Variants in IL1RAPL1 observed in about 807,000 individuals in gnomAD.
The protein encoded by IL1RAPL1 is interleukin 1 receptor accessory protein like 1, also known as interleukin-1 receptor accessory protein-like 1.
In IL1RAPL1, 3 loss-of-function variants were observed where a neutral mutation model predicts 48.4. That is an observed-to-expected ratio of 0.06 (90% confidence interval 0.03 to 0.16). The LOEUF is 0.16. IL1RAPL1 is among the 10% of genes least tolerant of loss of function. IL1RAPL1 has a pLI of 1.00. For missense variants in IL1RAPL1, 349 were observed against 530.6 expected, an observed-to-expected ratio of 0.66 and a Z score of 3.36; for synonymous variants, 185 against 187.7, an observed-to-expected ratio of 0.99 and a Z score of 0.12.
intron 2 of IL1RAPL1, among the ~76,000 whole-genome samples, chrX:28,918,577 A>G (rs985638320): frequency 1.8e-5 from 2 of 112,243 alleles, no homozygotes; most frequent in Admixed American, 9.5e-5. Context: ...CCCTTTGCCA[A>G]TTGCAGTTCA....
At chrX:29,442,895 G>T (rs936347632) in intron 5 of IL1RAPL1, among the ~76,000 whole-genome samples, 4 of 110,262 alleles carry the variant, frequency 3.6e-5, no homozygotes, top group Admixed American at 2.9e-4. Context: ...AAGAAATTTT[G>T]CACTTGAAAA....
chrX:29,599,439 C>G (rs1185387116), intron 5 of IL1RAPL1, among the ~76,000 whole-genome samples: 1 of 111,924 alleles, frequency 8.9e-6, no homozygotes, highest in Non-Finnish European at 1.9e-5. Context: ...TTTTGCCTCA[C>G]AGCTCGTAAG....
chrX:29,938,011 G>GTT (rs1383888182), intron 8 of IL1RAPL1, among the ~76,000 whole-genome samples: 1 of 111,491 alleles, frequency 9.0e-6, no homozygotes, highest in East Asian at 2.8e-4. Context: ...ACACAAGACT[G>GTT]TTTCTGTAAC....
intron 6 of IL1RAPL1, among the ~76,000 whole-genome samples, chrX:29,841,645 G>A (rs915533029): frequency 3.6e-5 from 4 of 111,504 alleles, no homozygotes; most frequent in Non-Finnish European, 7.5e-5. Flanking sequence ...AAAGATGGAC[G>A]TATACATAGC....
At chrX:29,702,100 C>G (rs1235633720) in intron 6 of IL1RAPL1, among the ~76,000 whole-genome samples, 1 of 110,904 alleles carries the variant, frequency 9.0e-6, no homozygotes, top group African/African-American at 3.3e-5. Flanking sequence ...ACTAAAAATA[C>G]AAAACCTAGC....
chrX:29,177,298 A>G (rs1161508562), intron 2 of IL1RAPL1, among the ~76,000 whole-genome samples: 3 of 112,035 alleles, frequency 2.7e-5, no homozygotes, highest in Non-Finnish European at 5.6e-5. Flanking sequence ...TTGAAGATGT[A>G]TTGAATCATC....
At chrX:28,853,128 G>A (rs1037717377) in intron 2 of IL1RAPL1, among the ~76,000 whole-genome samples, 9 of 68,384 alleles carry the variant, frequency 1.3e-4, no homozygotes, top group Non-Finnish European at 2.1e-4. Context: ...TGTACAGCAT[G>A]GGGTGGAAAT....
chrX:28,715,504 A>C (rs1263977787), intron 1 of IL1RAPL1, among the ~76,000 whole-genome samples: 1 of 111,273 alleles, frequency 9.0e-6, no homozygotes, highest in Non-Finnish European at 1.9e-5. Context: ...ACCAAGAGAA[A>C]AATCAAGCCA....
At chrX:29,888,373 G>A (rs374669685) in intron 6 of IL1RAPL1, among the ~76,000 whole-genome samples, 2 of 109,496 alleles carry the variant, frequency 1.8e-5, no homozygotes, top group Non-Finnish European at 3.8e-5. Context: ...ACAGGTGCCC[G>A]CCACCACACT....
intron 2 of IL1RAPL1, among the ~76,000 whole-genome samples, chrX:28,792,816 A>AAAAAAT (rs1936562170): frequency 4.0e-4 from 4 of 10,107 alleles, no homozygotes; most frequent in African/African-American, 6.8e-4. Flanking sequence ...AAAAAAAAAA[A>AAAAAAT]ATATATATAT....
intron 2 of IL1RAPL1, among the ~76,000 whole-genome samples, chrX:29,134,348 G>A (rs893147564): frequency 8.9e-6 from 1 of 111,971 alleles, no homozygotes; most frequent in Non-Finnish European, 1.9e-5. Flanking sequence ...TCTATATCCT[G>A]TCTGCCAGCA....
At position 29,712,657 on chromosome X, in the gene IL1RAPL1, A is replaced by G. The variant is rs753560026; in HGVS notation, c.778+44153A>G. Among the ~76,000 whole-genome samples the G allele has an allele frequency of 9.3e-4, 104 of 112,095 alleles. No homozygotes were observed. In the South Asian group the frequency reaches 0.011, roughly 11 times the overall value. ...TAAATATTTTATGACTATGTAGCCC[A>G]TATGAATGGAAGACATTTGAGTAAA... On this transcript the variant is annotated intron_variant, in intron 6 of 10. Coordinates refer to ENST00000378993, the MANE Select transcript of IL1RAPL1 (RefSeq NM_014271.4).
At chrX:28,600,228 A>C (rs1934007055) in intron 1 of IL1RAPL1, among the ~76,000 whole-genome samples, 1 of 112,243 alleles carries the variant, frequency 8.9e-6, no homozygotes, top group Admixed American at 9.5e-5. Flanking sequence ...TTAAAGAGAT[A>C]AAGAAACTAA....
chrX:28,799,453 A>G (rs1936649550), intron 2 of IL1RAPL1, among the ~76,000 whole-genome samples: 1 of 112,554 alleles, frequency 8.9e-6, no homozygotes, highest in African/African-American at 3.2e-5. Context: ...AGATCTGTTC[A>G]TTGTGGTGTC....
chrX:29,754,244 T>A (rs749975576), intron 6 of IL1RAPL1, among the ~76,000 whole-genome samples: 1 of 111,919 alleles, frequency 8.9e-6, no homozygotes, highest in African/African-American at 3.2e-5. Flanking sequence ...TCATCCTGGA[T>A]AAATTGATCT....
intron 5 of IL1RAPL1, among the ~76,000 whole-genome samples, chrX:29,540,932 G>A (rs191506967): frequency 8.9e-6 from 1 of 111,762 alleles, no homozygotes; most frequent in African/African-American, 3.2e-5. Context: ...TTGACAAGTG[G>A]GACCTAATTA....
At chrX:29,237,477 G>C (rs1931332024) in intron 2 of IL1RAPL1, among the ~76,000 whole-genome samples, 1 of 112,498 alleles carries the variant, frequency 8.9e-6, no homozygotes, top group Non-Finnish European at 1.9e-5. Context: ...GTGCATCACT[G>C]TATGCTTTGC....
chrX:29,946,496 A>T (rs1933215571), intron 9 of IL1RAPL1, among the ~76,000 whole-genome samples: 1 of 112,238 alleles, frequency 8.9e-6, no homozygotes, highest in African/African-American at 3.2e-5. Context: ...AGGGGAGGAG[A>T]AGATACGCTA....
intron 1 of IL1RAPL1, among the ~76,000 whole-genome samples, chrX:28,720,085 T>C (rs1371022100): frequency 2.7e-5 from 3 of 111,553 alleles, no homozygotes; most frequent in Non-Finnish European, 5.7e-5. Context: ...TACCCCCAAA[T>C]TCTTGAAATA....
Sources: allele counts gnomAD v4.1 joint callset (sites outside exome capture counted in the v4.1 genomes callset), GRCh38; gene constraint gnomAD v4.1.1; transcripts MANE v1.5; gene names NCBI Gene and HGNC (gene_info 2026-07-23, HGNC 2026-07-21).